Variants in UNC5D observed in about 807,000 individuals in gnomAD.
UNC5D encodes netrin receptor UNC5D.
UNC5D carries 39 observed loss-of-function variants against 105.4 expected under a neutral mutation model. That is an observed-to-expected ratio of 0.37 (90% CI 0.29 to 0.48). The LOEUF (loss-of-function observed/expected upper bound fraction) is 0.48. Among genes scored for constraint, UNC5D ranks in the 20% least tolerant of loss-of-function variants. UNC5D has a pLI of 0.98. For synonymous variants in UNC5D, 452 were observed against 450.4 expected, an observed-to-expected ratio of 1.00 and a Z score of -0.04; for missense variants, 991 against 1,202.4, an observed-to-expected ratio of 0.82 and a Z score of 2.60.
chr8:35,382,232 ACGG>A (rs926849977), intron 1 of UNC5D, among the ~76,000 whole-genome samples: 2 of 152,206 alleles, frequency 1.3e-5, no homozygotes, highest in African/African-American at 4.8e-5. Context: ...AGGCATCTAG[ACGG>A]CTGGAGTTTG....
At chr8:35,590,723 C>T (rs1819113720) in intron 3 of UNC5D, among the ~76,000 whole-genome samples, 1 of 152,014 alleles carries the variant, frequency 6.6e-6, no homozygotes, top group Admixed American at 6.6e-5. Flanking sequence ...TATTATTATC[C>T]TCATGTCACT....
intron 4 of UNC5D, among the ~76,000 whole-genome samples, chr8:35,664,782 T>C (rs181515072): frequency 6.6e-6 from 1 of 152,340 alleles, no homozygotes; most frequent in Admixed American, 6.5e-5. Context: ...TTGCCAAAGC[T>C]AGAAATTTTG....
intron 1 of UNC5D, among the ~76,000 whole-genome samples, chr8:35,542,416 C>A (rs1302117397): frequency 1.3e-5 from 2 of 152,102 alleles, no homozygotes; most frequent in Admixed American, 6.6e-5. Flanking sequence ...TGCCGTGGAC[C>A]AATACACTCA....
Position 35,352,865 on chromosome 8 carries a change from G to A in UNC5D, c.103+116978G>A, listed in dbSNP as rs370544985. 5.3e-4 allele frequency among the ~76,000 whole-genome samples: 80 copies of A among 152,120 alleles called. 2 individuals carry two copies. The highest frequency in any genetic ancestry group is 1.6e-3 in the African/African-American group (65 of 41,502). ...TGATATCAAGTGATCCACCCGCCTC[G>A]TCCTCCCAAAGTGCTGCAATTACAG... On this transcript the variant is annotated intron_variant, in intron 1 of 16. Coordinates refer to ENST00000404895, the MANE Select transcript of UNC5D (RefSeq NM_080872.4).
intron 4 of UNC5D, among the ~76,000 whole-genome samples, chr8:35,638,106 T>C (rs554468274): frequency 2.2e-4 from 34 of 152,320 alleles, no homozygotes; most frequent in African/African-American, 7.9e-4. Flanking sequence ...TTTCCATCTT[T>C]AAGAAAAGGC....
intron 4 of UNC5D, among the ~76,000 whole-genome samples, chr8:35,659,347 G>A (rs1407830750): frequency 6.6e-6 from 1 of 152,132 alleles, no homozygotes; most frequent in Non-Finnish European, 1.5e-5. Flanking sequence ...CTTCTCTTAG[G>A]TTTGAGATCA....
chr8:35,260,940 TG>T (rs1474442191), intron 1 of UNC5D, among the ~76,000 whole-genome samples: 2 of 152,118 alleles, frequency 1.3e-5, no homozygotes, highest in Non-Finnish European at 2.9e-5. Context: ...TGATCTGGGT[TG>T]GGATTTGCAG....
At chr8:35,721,347 GA>G in intron 8 of UNC5D, 2 of 694,864 alleles carry the variant, frequency 2.9e-6, no homozygotes, top group South Asian at 1.5e-5. Flanking sequence ...CGCACCTCTA[GA>G]AAAAAGGGTG....
At chr8:35,470,767 A>AAAATAAATAAAT (rs201455725) in intron 1 of UNC5D, among the ~76,000 whole-genome samples, 2 of 139,304 alleles carry the variant, frequency 1.4e-5, no homozygotes, top group Admixed American at 1.5e-4. Flanking sequence ...AGACTTTCTC[A>AAAATAAATAAAT]AAATAAATAA....
chr8:35,774,693 A>G (rs1802161487), intron 16 of UNC5D, among the ~76,000 whole-genome samples: 1 of 152,152 alleles, frequency 6.6e-6, no homozygotes, highest in Non-Finnish European at 1.5e-5. Context: ...GCACTTTGGG[A>G]GGCCGAGGCA....
At chr8:35,339,498 G>T (rs1181651296) in intron 1 of UNC5D, among the ~76,000 whole-genome samples, 1 of 152,218 alleles carries the variant, frequency 6.6e-6, no homozygotes, top group Non-Finnish European at 1.5e-5. Flanking sequence ...TTGGAAGGAA[G>T]GCTAGTTCTC....
chr8:35,374,560 CT>C (rs1324796909), intron 1 of UNC5D, among the ~76,000 whole-genome samples: 2 of 152,190 alleles, frequency 1.3e-5, no homozygotes, highest in Non-Finnish European at 2.9e-5. Context: ...TAGGAACTAG[CT>C]TTTTCCTCAC....
chr8:35,778,576 G>T (rs1156404728), intron 16 of UNC5D, among the ~76,000 whole-genome samples: 1 of 152,152 alleles, frequency 6.6e-6, no homozygotes. Context: ...ATCACAAAAA[G>T]GTGATCACAG....
chr8:35,252,168 G>A (rs1026026007), intron 1 of UNC5D, among the ~76,000 whole-genome samples: 7 of 151,996 alleles, frequency 4.6e-5, no homozygotes, highest in Middle Eastern at 3.4e-3. Flanking sequence ...GACTACAGGC[G>A]CCAATGGTTC....
intron 1 of UNC5D, among the ~76,000 whole-genome samples, chr8:35,443,635 T>C (rs1339237057): frequency 6.6e-6 from 1 of 151,960 alleles, no homozygotes; most frequent in Admixed American, 6.6e-5. Flanking sequence ...TTTCAGATCG[T>C]TGCCTGCCAA....
chr8:35,458,722 T>C (rs1420265295), intron 1 of UNC5D, among the ~76,000 whole-genome samples: 1 of 152,194 alleles, frequency 6.6e-6, no homozygotes, highest in Non-Finnish European at 1.5e-5. Context: ...AGTAACCTTT[T>C]TAAGGCCATT....
chr8:35,690,408 C>T (rs1329323390), intron 7 of UNC5D, among the ~76,000 whole-genome samples: 1 of 152,064 alleles, frequency 6.6e-6, no homozygotes, highest in East Asian at 1.9e-4. Flanking sequence ...GCAGGAGAAT[C>T]ACTTGAGTCC....
At chr8:35,364,568 A>T (rs1802015389) in intron 1 of UNC5D, among the ~76,000 whole-genome samples, 1 of 152,170 alleles carries the variant, frequency 6.6e-6, no homozygotes, top group Non-Finnish European at 1.5e-5. Flanking sequence ...GTTGGGGAGT[A>T]AGGCATGTTA....
intron 3 of UNC5D, among the ~76,000 whole-genome samples, chr8:35,591,606 A>G (rs1819180165): frequency 6.6e-6 from 1 of 152,090 alleles, no homozygotes; most frequent in Non-Finnish European, 1.5e-5. Flanking sequence ...TATGTAATGT[A>G]TTCCTCTTTC....
Sources: gnomAD v4.1 joint callset for allele counts (sites outside exome capture counted in the v4.1 genomes callset) on GRCh38, gnomAD v4.1.1 for gene constraint, MANE v1.5 for transcripts, NCBI Gene and HGNC (gene_info 2026-07-23, HGNC 2026-07-21) for gene names.